Variants in KDM4C observed in about 807,000 individuals in gnomAD.
KDM4C encodes the protein lysine-specific demethylase 4C.
KDM4C carries 81 observed loss-of-function variants against 129.3 expected under a neutral mutation model. That is an observed-to-expected ratio of 0.63 (90% confidence interval 0.52 to 0.75). The LOEUF (loss-of-function observed/expected upper bound fraction) is 0.75, where lower values mean the gene tolerates loss of function less well. KDM4C is among the 30% of genes least tolerant of loss of function. KDM4C has a pLI of 0.00. For missense variants in KDM4C, 1,457 were observed against 1,304.0 expected, an observed-to-expected ratio of 1.12 and a Z score of -1.81; for synonymous variants, 573 against 456.1, an observed-to-expected ratio of 1.26 and a Z score of -3.26.
At chr9:7,169,388 T>TGCAGTGGTGC (rs1844730619) in intron 20 of KDM4C, among the ~76,000 whole-genome samples, 1 of 152,220 alleles carries the variant, frequency 6.6e-6, no homozygotes, top group African/African-American at 2.4e-5. Context: ...CAGGCTGGAG[T>TGCAGTGGTGC]GCAGTGGTGC....
At chr9:6,806,878 GTCTCCCTCTCCC>G (rs763666519) in intron 3 of KDM4C, among the ~76,000 whole-genome samples, 14,901 of 139,514 alleles carry the variant, frequency 0.11, 991 homozygotes, top group East Asian at 0.27. Flanking sequence ...CTCCGTCTCC[GTCTCCCTCTCCC>G]TCTCCCTCTC....
chr9:7,024,047 T>C (rs1372287575), intron 15 of KDM4C, among the ~76,000 whole-genome samples: 1 of 152,222 alleles, frequency 6.6e-6, no homozygotes, highest in Non-Finnish European at 1.5e-5. Flanking sequence ...TTTTGTGACC[T>C]AACATGACCT....
At chr9:6,852,524 A>G (rs1243829070) in intron 5 of KDM4C, among the ~76,000 whole-genome samples, 1 of 152,186 alleles carries the variant, frequency 6.6e-6, no homozygotes, top group Non-Finnish European at 1.5e-5. Flanking sequence ...AAGGGCTGCA[A>G]GGTTCTGTAT....
In KDM4C at chr9:6,848,302, AT is replaced by A. The variant is rs1159329131; in HGVS notation, c.436-1202del. Among the ~76,000 whole-genome samples the A allele has an allele frequency of 1.3e-5, 2 of 152,230 alleles. 1 individual carries two copies. The highest frequency in any genetic ancestry group is 3.8e-4 in the East Asian group (2 of 5,202). The stretch of plus-strand genomic sequence containing the variant: ...ACATGCCTAGTCTCTGATATTTAGA[AT>A]TTGATAAAAATATATGGTAAAAATG... On this transcript the variant is annotated intron_variant, in intron 4 of 21. Transcript: ENST00000381309.
At position 6,870,840 on chromosome 9, in the gene KDM4C, G is replaced by T. The variant is rs980634730; in HGVS notation, c.630-9172G>T. ...ACACGGCCTTAGTTAGGCGCAGGGA[G>T]TATAGGGCAGGCTTGTTTTAGGACT... On this transcript the variant is annotated intron_variant, in intron 5 of 21. Coordinates refer to ENST00000381309, the MANE Select transcript of KDM4C (RefSeq NM_015061.6). Among the ~76,000 whole-genome samples, 4 of 152,132 alleles carry T rather than the reference G, an allele frequency of 2.6e-5. No individual in the cohort carries two copies. The South Asian group carries it at 8.3e-4, about 32-fold the overall frequency.
intron 1 of KDM4C, among the ~76,000 whole-genome samples, chr9:6,789,075 A>C (rs2130838637): frequency 1.4e-5 from 2 of 143,024 alleles, no homozygotes; most frequent in Admixed American, 7.1e-5. Context: ...ACAGGGTCCC[A>C]CTCTTTCACC....
intron 8 of KDM4C, among the ~76,000 whole-genome samples, chr9:6,969,671 G>T (rs1473945868): frequency 6.6e-6 from 1 of 152,098 alleles, no homozygotes; most frequent in African/African-American, 2.4e-5. Flanking sequence ...AAATTGTTAC[G>T]CTCTGGTTTC....
At chr9:6,807,460 C>G (rs1830225406) in intron 3 of KDM4C, among the ~76,000 whole-genome samples, 1 of 146,142 alleles carries the variant, frequency 6.8e-6, no homozygotes, top group Non-Finnish European at 1.5e-5. Context: ...CAGCCGCCAT[C>G]ACATCTAGGA....
intron 5 of KDM4C, among the ~76,000 whole-genome samples, chr9:6,875,623 A>G (rs1843432369): frequency 6.6e-6 from 1 of 150,586 alleles, no homozygotes; most frequent in Non-Finnish European, 1.5e-5. Context: ...TTGAGAAGTC[A>G]GAGGTCTTCC....
Position 7,013,788 on chromosome 9 carries a change from C to T in KDM4C, c.1969C>T (p.Pro657Ser). The change falls in exon 14 of 22, where the codon CCA (proline) becomes TCA (serine). Residue 657 changes from proline (P) to serine (S), a missense_variant and splice_region_variant. Physicochemically the swap from Pro to Ser is moderately conservative, Grantham distance 74. Coordinates refer to ENST00000381309, the MANE Select transcript of KDM4C (RefSeq NM_015061.6). ...CATGTGGAAACGTTATGTTTTTCAG[C>T]CAGATAGCAGCAATGAAGAAAATGA... ...ICTLLMPYHK[P>S]DSSNEENDAR... is the part of the protein sequence containing the mutation. 6.2e-7 allele frequency: 1 copy of T among 1,613,078 alleles called. No individual in the cohort carries two copies. Among genetic ancestry groups the T allele is most frequent in the East Asian group, 2.2e-5 (1 of 44,850 alleles).
chr9:6,801,793 A>G (rs1252858926), intron 2 of KDM4C, among the ~76,000 whole-genome samples: 2 of 152,182 alleles, frequency 1.3e-5, no homozygotes, highest in Non-Finnish European at 2.9e-5. Flanking sequence ...AGAGACTTGA[A>G]TAAGTACTTT....
At chr9:6,882,149 A>G (rs1844548743) in intron 6 of KDM4C, among the ~76,000 whole-genome samples, 1 of 152,232 alleles carries the variant, frequency 6.6e-6, no homozygotes, top group Non-Finnish European at 1.5e-5. Context: ...TCTTATTTAT[A>G]CAGGTTTTCC....
chr9:6,863,673 G>C (rs1188332534), intron 5 of KDM4C, among the ~76,000 whole-genome samples: 5 of 151,860 alleles, frequency 3.3e-5, no homozygotes, highest in Admixed American at 2.6e-4. Context: ...GCGGGCGCCT[G>C]TAGTTCCAGC....
At chr9:6,984,080 C>A in intron 9 of KDM4C, 86 bp from the exon 10 acceptor site, 2 of 793,718 alleles carry the variant, frequency 2.5e-6, no homozygotes, top group Non-Finnish European at 4.2e-6. Context: ...CTTCTTTAAG[C>A]AAGTGAAAAT....
At chr9:7,063,290 T>C (rs1032154465) in intron 17 of KDM4C, among the ~76,000 whole-genome samples, 2 of 152,188 alleles carry the variant, frequency 1.3e-5, no homozygotes, top group Non-Finnish European at 2.9e-5. Flanking sequence ...AGTGAACATT[T>C]TTGCTGTCTC....
At chr9:6,740,680 A>C (rs1034091322) in intron 1 of KDM4C, among the ~76,000 whole-genome samples, 1 of 150,920 alleles carries the variant, frequency 6.6e-6, no homozygotes, top group African/African-American at 2.4e-5. Context: ...CACCACATCC[A>C]GCAAATTTTT....
chr9:6,780,172 C>A (rs1824006664), intron 1 of KDM4C, among the ~76,000 whole-genome samples: 1 of 152,034 alleles, frequency 6.6e-6, no homozygotes, highest in African/African-American at 2.4e-5. Flanking sequence ...AGCAGGTCAA[C>A]AGTATTTCCC....
At chr9:7,118,061 T>C (rs555609326) in intron 18 of KDM4C, among the ~76,000 whole-genome samples, 1 of 152,344 alleles carries the variant, frequency 6.6e-6, no homozygotes, top group African/African-American at 2.4e-5. Context: ...TTCCCAGTTC[T>C]CTTCACTTAC....
At chr9:6,951,539 T>C (rs1190123236) in intron 8 of KDM4C, among the ~76,000 whole-genome samples, 1 of 152,186 alleles carries the variant, frequency 6.6e-6, no homozygotes, top group African/African-American at 2.4e-5. Context: ...GAACAGGAGT[T>C]AAGAGTGTGT....
Sources: gnomAD v4.1 joint callset for allele counts (sites outside exome capture counted in the v4.1 genomes callset) on GRCh38, gnomAD v4.1.1 for gene constraint, MANE v1.5 for transcripts, NCBI Gene and HGNC (gene_info 2026-07-23, HGNC 2026-07-21) for gene names.